Variants in RALGPS1 observed in about 807,000 individuals in gnomAD.
The protein encoded by RALGPS1 is Ral GEF with PH domain and SH3 binding motif 1, also known as ras-specific guanine nucleotide-releasing factor RalGPS1.
RALGPS1 carries 19 observed loss-of-function variants against 78.8 expected under a neutral mutation model. That is an observed-to-expected ratio of 0.24 (90% CI 0.17 to 0.35). The LOEUF (loss-of-function observed/expected upper bound fraction) is 0.35. Ranked by LOEUF, RALGPS1 falls within the 10% of genes least tolerant of loss-of-function variation. RALGPS1 has a pLI of 1.00. For synonymous variants in RALGPS1, 228 were observed against 256.3 expected, an observed-to-expected ratio of 0.89 and a Z score of 1.06; for missense variants, 454 against 688.3, an observed-to-expected ratio of 0.66 and a Z score of 3.81.
chr9:127,099,347 T>C (rs2053490967), intron 8 of RALGPS1, among the ~76,000 whole-genome samples: 1 of 152,244 alleles, frequency 6.6e-6, no homozygotes, highest in Non-Finnish European at 1.5e-5. Context: ...AACTGTATGC[T>C]GTTTTCAGTT....
chr9:126,934,821 C>A (rs2036115178), intron 1 of RALGPS1, among the ~76,000 whole-genome samples: 1 of 152,118 alleles, frequency 6.6e-6, no homozygotes, highest in Admixed American at 6.5e-5. Context: ...CCTGTACCTA[C>A]CCAGAAGCCC....
intron 4 of RALGPS1, among the ~76,000 whole-genome samples, chr9:127,023,866 T>G (rs2045705251): frequency 6.6e-6 from 1 of 151,990 alleles, no homozygotes; most frequent in Non-Finnish European, 1.5e-5. Flanking sequence ...CAAAACCCTG[T>G]CTCTACTAAA....
intron 8 of RALGPS1, chr9:127,107,792 A>AT (rs1190076375): frequency 1.0e-6 from 1 of 969,854 alleles, no homozygotes; most frequent in East Asian, 2.6e-5. Flanking sequence ...TTGCTGGGGG[A>AT]TTGTGCATGT....
intron 8 of RALGPS1, among the ~76,000 whole-genome samples, chr9:127,144,712 C>T (rs538639082): frequency 6.6e-6 from 1 of 152,310 alleles, no homozygotes; most frequent in Non-Finnish European, 1.5e-5. Context: ...CACTGATGAA[C>T]CTTGAAAACG....
At chr9:127,072,197 G>A (rs1055025429) in intron 8 of RALGPS1, among the ~76,000 whole-genome samples, 21 of 152,164 alleles carry the variant, frequency 1.4e-4, no homozygotes, top group South Asian at 1.0e-3. Context: ...CCATTGTACC[G>A]ATGCACCACG....
At chr9:127,210,499 C>A in intron 14 of RALGPS1, 1 of 589,954 alleles carries the variant, frequency 1.7e-6, no homozygotes, top group Non-Finnish European at 3.0e-6. Flanking sequence ...CTGAGGGGTG[C>A]TGTGTTTACT....
chr9:127,218,524 T>C lies in RALGPS1; in HGVS notation c.1645-216T>C, dbSNP rs957352084. Among the ~76,000 whole-genome samples the C allele has an allele frequency of 1.3e-5, 2 of 152,194 alleles. No homozygotes were observed. Among genetic ancestry groups the C allele is most frequent in the Non-Finnish European group, 2.9e-5 (2 of 68,032 alleles). On this transcript the variant is annotated intron_variant, in intron 18 of 18. Coordinates refer to ENST00000259351, the MANE Select transcript of RALGPS1 (RefSeq NM_014636.3). The surrounding 1 kb of genome is among the most constrained non-coding windows in gnomAD (Gnocchi z 4.4). Reference sequence around the variant, plus strand: ...CTGCCCCAGGGGTTGAAGTGAGGACTCAAGAACGCAGTGCATGCGGTGGAT... The same window carrying C: ...CTGCCCCAGGGGTTGAAGTGAGGACCCAAGAACGCAGTGCATGCGGTGGAT...
chr9:127,196,682 G>C (rs113141895), intron 13 of RALGPS1, 51 bp downstream of exon 13: 6 of 1,506,140 alleles, frequency 4.0e-6, no homozygotes, highest in Non-Finnish European at 5.4e-6. Context: ...TAGGCCCAGC[G>C]TGTGCTCCGT....
intron 8 of RALGPS1, among the ~76,000 whole-genome samples, chr9:127,090,545 C>T (rs1159339314): frequency 1.3e-5 from 2 of 152,228 alleles, no homozygotes; most frequent in African/African-American, 4.8e-5. Flanking sequence ...GAGAATTACC[C>T]TTCAGAATGT....
intron 8 of RALGPS1, among the ~76,000 whole-genome samples, chr9:127,101,206 T>C (rs908342295): frequency 6.6e-6 from 1 of 152,256 alleles, no homozygotes; most frequent in Non-Finnish European, 1.5e-5. Flanking sequence ...ATCTAGAGCC[T>C]TTCACCTGCC....
chr9:126,920,752 G>A (rs1424752696), intron 1 of RALGPS1, among the ~76,000 whole-genome samples: 1 of 152,230 alleles, frequency 6.6e-6, no homozygotes, highest in Non-Finnish European at 1.5e-5. Flanking sequence ...GACACATGCA[G>A]ATGAAGCTTT....
chr9:126,989,081 T>G (rs532481390), intron 4 of RALGPS1, among the ~76,000 whole-genome samples: 10 of 151,320 alleles, frequency 6.6e-5, no homozygotes, highest in East Asian at 1.9e-4. Flanking sequence ...ATCATCATCA[T>G]CAGCATCATC....
chr9:127,065,865 T>C (rs1744876171), intron 7 of RALGPS1, among the ~76,000 whole-genome samples: 1 of 152,246 alleles, frequency 6.6e-6, no homozygotes, highest in Non-Finnish European at 1.5e-5. Context: ...TAGAGGAAAT[T>C]CTCAGTTTTC....
rs552603994 is a variant in RALGPS1 at position 127,030,643 on chromosome 9, A to G, written c.217-3788A>G. 2.4e-4 allele frequency among the ~76,000 whole-genome samples: 37 copies of G among 151,932 alleles called. 1 individual carries two copies. The South Asian group carries it at 7.7e-3, about 32-fold the overall frequency. On this transcript the variant is annotated intron_variant, in intron 4 of 18. Coordinates refer to ENST00000259351, the MANE Select transcript of RALGPS1 (RefSeq NM_014636.3). ...ACAGGGTCTGGGAGAGGTGTTTTTT[A>G]TTGTTATTAATATTAATGGGAGAAG...
chr9:127,084,368 G>A (rs184878195), intron 8 of RALGPS1, among the ~76,000 whole-genome samples: 77 of 152,244 alleles, frequency 5.1e-4, no homozygotes, highest in African/African-American at 1.8e-3. Flanking sequence ...CTCAGAGCTC[G>A]TGCTCCCTCC....
rs753544320 is a variant in RALGPS1 at position 127,212,728 on chromosome 9, C to G, written c.1446+9C>G. ...GCACAGACAGAAAACACGTAAGTCC[C>G]TTGAAAGGACTCTAGTGCTGGGACT... is the stretch of plus-strand genomic sequence containing the variant. On this transcript the variant is annotated intron_variant, in intron 16 of 18. Coordinates refer to ENST00000259351, the MANE Select transcript of RALGPS1 (RefSeq NM_014636.3). The surrounding 1 kb of genome is among the most constrained non-coding windows in gnomAD (Gnocchi z 6.0). The G allele has an allele frequency of 8.8e-6, 14 of 1,598,350 alleles. No homozygotes were observed. The highest frequency in any genetic ancestry group is 1.1e-5 in the Non-Finnish European group (13 of 1,166,402).
At chr9:127,068,722 CAGCAGCAGCAGAGA>C (rs1236105214) in intron 7 of RALGPS1, among the ~76,000 whole-genome samples, 1 of 152,150 alleles carries the variant, frequency 6.6e-6, no homozygotes, top group Non-Finnish European at 1.5e-5. Flanking sequence ...CACTGTATAG[CAGCAGCAGCAGAGA>C]TGTTGCTTCT....
At chr9:127,000,849 C>G (rs113792053) in intron 4 of RALGPS1, among the ~76,000 whole-genome samples, 1 of 151,592 alleles carries the variant, frequency 6.6e-6, no homozygotes, top group African/African-American at 2.4e-5. Flanking sequence ...CCACCGCGCC[C>G]GGCCTCTGCT....
chr9:126,925,082 G>A lies in RALGPS1; in HGVS notation c.-66+10107G>A, dbSNP rs570613753. 5.3e-5 allele frequency among the ~76,000 whole-genome samples: 8 copies of A among 151,750 alleles called. No homozygotes were observed. The East Asian group carries it at 5.8e-4, about 11-fold the overall frequency. On this transcript the variant is annotated intron_variant, in intron 1 of 18. Transcript: ENST00000259351. ...GTGGAGGTTGCGGTGAGCCGAGATC[G>A]CACCATTGCACTCCAACCTGGGAAG...
Sources: gnomAD v4.1 joint callset for allele counts (sites outside exome capture counted in the v4.1 genomes callset) on GRCh38, gnomAD v4.1.1 for gene constraint, Gnocchi (gnomAD v3.1) non-coding constraint, MANE v1.5 for transcripts, NCBI Gene and HGNC (gene_info 2026-07-23, HGNC 2026-07-21) for gene names.